Variants in SIK3 observed in about 807,000 individuals in gnomAD.
The protein encoded by SIK3 is serine/threonine-protein kinase SIK3.
Under a neutral mutation model 144.2 loss-of-function variants are expected in SIK3, and 28 were observed. The ratio of observed to expected loss-of-function variants is 0.19; its 90% CI spans 0.14 to 0.27. SIK3 has a LOEUF of 0.27. SIK3 is among the 10% of genes least tolerant of loss of function. SIK3 has a pLI of 1.00. For synonymous variants in SIK3, 686 were observed against 676.3 expected (o/e 1.01, Z -0.22); for missense variants, 1,319 against 1,776.0 (o/e 0.74, Z 4.62).
In SIK3 at chr11:116,849,303, TAG is replaced by T. The variant is rs1591358823; in HGVS notation, c.3656-22_3656-21del. The T allele has an allele frequency of 2.5e-6, 4 of 1,613,752 alleles. No individual in the cohort carries two copies. Among genetic ancestry groups the T allele is most frequent in the South Asian group, 1.1e-5 (1 of 91,066 alleles). On this transcript the variant is annotated intron_variant, in intron 21 of 24. Transcript: ENST00000445177. The surrounding 1 kb of genome is among the most constrained non-coding windows in gnomAD (Gnocchi z 4.2). ...CAGGCTCTGAGGAGACACAGCAGAA[TAG>T]AGTCAGTGGGGCGGAACTTCTCCCA...
rs1288275054 is a variant in SIK3, at chr11:117,098,043, A to C, written c.273+100T>G. 23 of 1,151,326 alleles carry C rather than the reference A, an allele frequency of 2.0e-5. No homozygotes were observed. The Admixed American group carries it at 4.0e-4, about 20-fold the overall frequency. 71.3% of individuals were successfully genotyped at this position (1,151,326 alleles called of 1,614,324 possible). On this transcript the variant is annotated intron_variant, in intron 1 of 24. Transcript: ENST00000445177. ...CCGCCTCCCGGCCCCCAACGCTCCC[A>C]CCACGCGCCGCGCTCGCCGCCCCGA...
At position 117,040,055 on chromosome 11, in the gene SIK3, A is replaced by G. The variant is rs114425574; in HGVS notation, c.273+58088T>C. On this transcript the variant is annotated intron_variant, in intron 1 of 24. Coordinates refer to ENST00000445177, the MANE Select transcript of SIK3 (RefSeq NM_001366686.3). Reference sequence around the variant, plus strand: ...ATTGTTCTTAGTCACTGAAAACATTACATGGCTAGATAAATGATAAATGTC... The same window carrying G: ...ATTGTTCTTAGTCACTGAAAACATTGCATGGCTAGATAAATGATAAATGTC... Among the ~76,000 whole-genome samples, 1,005 of 152,342 alleles carry G rather than the reference A, an allele frequency of 6.6e-3. 18 individuals carry two copies. The highest frequency in any genetic ancestry group is 0.022 in the African/African-American group (924 of 41,574).
intron 1 of SIK3, among the ~76,000 whole-genome samples, chr11:116,964,845 G>A (rs2135433940): frequency 6.6e-6 from 1 of 150,542 alleles, no homozygotes; most frequent in African/African-American, 2.5e-5. Context: ...TGGCGCCGCT[G>A]CACTCCAGCC....
intron 19 of SIK3, among the ~76,000 whole-genome samples, 179 bp from the exon 20 acceptor site, chr11:116,859,783 T>C (rs1282454374): frequency 6.6e-6 from 1 of 152,220 alleles, no homozygotes; most frequent in Non-Finnish European, 1.5e-5. Flanking sequence ...GTCCTATCTA[T>C]ATAATTCTGT....
intron 1 of SIK3, among the ~76,000 whole-genome samples, chr11:117,078,136 C>A (rs1046490368): frequency 6.6e-6 from 1 of 152,216 alleles, no homozygotes; most frequent in African/African-American, 2.4e-5. Context: ...CCTTAAACTT[C>A]TCTGATGCTC....
chr11:116,859,459 G>A lies in SIK3; in HGVS notation c.2571C>T (p.Ile857=). Residue 857 remains isoleucine, a synonymous_variant, in exon 20 of 25, where the codon ATC becomes ATT. Transcript: ENST00000445177. ...QQPAQSQQVT[I]QVQEPVDMLS... ...GCATGTCAACAGGCTCTTGGACTTG[G>A]ATGGTGACCTGCTGTGACTGAGCAG... 6.2e-7 allele frequency: 1 copy of A among 1,614,218 alleles called. No individual in the cohort carries two copies. The highest frequency in any genetic ancestry group is 8.5e-7 in the Non-Finnish European group (1 of 1,180,048).
chr11:116,916,895 A>G (rs1946672970), intron 4 of SIK3, among the ~76,000 whole-genome samples: 1 of 151,998 alleles, frequency 6.6e-6, no homozygotes, highest in South Asian at 2.1e-4. Context: ...ACTTGAGCTC[A>G]GGAGTTCAAG....
chr11:117,098,123 C>T lies in SIK3; in HGVS notation c.273+20G>A, dbSNP rs761604859. On this transcript the variant is annotated intron_variant, in intron 1 of 24. Transcript: ENST00000445177. ...CGGCCCCGCCACGCTCCGACTGCCGCCTGGCCCCTGCGCCGGTACCTTGGC... is the reference window on the plus strand; with the variant it reads ...CGGCCCCGCCACGCTCCGACTGCCGTCTGGCCCCTGCGCCGGTACCTTGGC... The T allele has an allele frequency of 2.8e-5, 40 of 1,454,246 alleles. 1 individual carries two copies. The South Asian group carries it at 5.0e-4, about 18-fold the overall frequency. 90.1% of individuals were successfully genotyped at this position (1,454,246 alleles called of 1,614,324 possible).
At chr11:117,095,989 T>C (rs1008135849) in intron 1 of SIK3, among the ~76,000 whole-genome samples, 28 of 152,198 alleles carry the variant, frequency 1.8e-4, no homozygotes, top group Non-Finnish European at 3.2e-4. Flanking sequence ...CACCCGTTTG[T>C]AAACAAGCCA....
intron 1 of SIK3, among the ~76,000 whole-genome samples, chr11:117,005,460 A>T (rs994334237): frequency 6.6e-6 from 1 of 152,086 alleles, no homozygotes; most frequent in African/African-American, 2.4e-5. Flanking sequence ...TCCCTGCAAG[A>T]GCCAGAACCT....
Position 116,867,902 on chromosome 11 carries a change from C to G in SIK3, c.1952+44G>C, listed in dbSNP as rs557769160. 17 of 1,464,896 alleles carry G rather than the reference C, an allele frequency of 1.2e-5. No individual in the cohort carries two copies. In the South Asian group the frequency reaches 2.4e-4, roughly 21 times the overall value. The allele number at this position is 1,464,896 out of a possible 1,614,324, so 90.7% of individuals were successfully genotyped here. A position where few individuals can be genotyped will look rare whatever the true frequency, so the allele number is the denominator to read the frequency against. ...TGAGACTAATCAGAAGGGTGCCTGT[C>G]CGATGAGCCTCAAGGAGCTCGCACA... On this transcript the variant is annotated intron_variant, in intron 15 of 24. Transcript: ENST00000445177. This position sits in a 1 kb window ranked among gnomAD's most constrained non-coding sequence, Gnocchi z 4.1.
In SIK3 at chr11:116,868,063, T is replaced by C. The variant is rs1213351555; in HGVS notation, c.1835A>G (p.His612Arg). 1.3e-6 allele frequency: 2 copies of C among 1,550,634 alleles called. No individual in the cohort carries two copies. The highest frequency in any genetic ancestry group is 1.7e-6 in the Non-Finnish European group (2 of 1,146,996). ...TGTAGGGTTGGTCATGGCCAGTGTATGTCTTTTGGACCTATTTGCCAAGTA... is the reference window on the plus strand; with the variant it reads ...TGTAGGGTTGGTCATGGCCAGTGTACGTCTTTTGGACCTATTTGCCAAGTA... The part of the protein sequence containing the change: ...QRYLANRSKR[H>R]TLAMTNPTAE... Residue 612 changes from histidine to arginine, a missense_variant, in exon 15 of 25, where the codon CAT becomes CGT. Around this residue, in one of 8 missense-constraint regions of SIK3, gnomAD observed 167 missense variants for 263.3 expected, o/e 0.63. Coordinates refer to ENST00000445177, the MANE Select transcript of SIK3 (RefSeq NM_001366686.3).
chr11:116,950,981 C>T (rs1948908125), intron 3 of SIK3, among the ~76,000 whole-genome samples: 1 of 152,214 alleles, frequency 6.6e-6, no homozygotes, highest in South Asian at 2.1e-4. Context: ...CAAGGCAGGT[C>T]AGCAGAGCTC....
At chr11:117,017,423 ATTTTATTATACAC>A (rs528912195) in intron 1 of SIK3, among the ~76,000 whole-genome samples, 205 of 152,316 alleles carry the variant, frequency 1.3e-3, no homozygotes, top group African/African-American at 4.7e-3. Flanking sequence ...TAAGCTGTGT[ATTTTATTATACAC>A]TTTTCAGTAT....
chr11:117,056,824 T>C (rs536927519), intron 1 of SIK3, among the ~76,000 whole-genome samples: 2 of 152,184 alleles, frequency 1.3e-5, no homozygotes, highest in Non-Finnish European at 2.9e-5. Context: ...GGTCCACCTT[T>C]GGCAATATTG....
At chr11:116,873,425 A>C (rs999726570) in intron 13 of SIK3, 56 bp downstream of exon 13, 79 of 1,613,314 alleles carry the variant, frequency 4.9e-5, no homozygotes, top group Non-Finnish European at 6.4e-5. Context: ...CCAGGCTCAC[A>C]ACCTTTTTAT....
At chr11:116,988,894 A>C (rs1381486638) in intron 1 of SIK3, among the ~76,000 whole-genome samples, 1 of 151,600 alleles carries the variant, frequency 6.6e-6, no homozygotes, top group African/African-American at 2.4e-5. Flanking sequence ...ATCTAAAAGA[A>C]GACAACATAT....
intron 1 of SIK3, among the ~76,000 whole-genome samples, chr11:117,009,108 G>A (rs912809306): frequency 4.0e-5 from 6 of 151,758 alleles, no homozygotes; most frequent in East Asian, 1.9e-4. Context: ...AGTGGTGTGC[G>A]CCTGTAATCC....
chr11:116,998,219 C>T (rs960046852), intron 1 of SIK3, among the ~76,000 whole-genome samples: 4 of 150,614 alleles, frequency 2.7e-5, no homozygotes, highest in African/African-American at 7.3e-5. Flanking sequence ...AAGTAAAATA[C>T]TGACAACTTT....
Sources: allele counts gnomAD v4.1 joint callset (sites outside exome capture counted in the v4.1 genomes callset), GRCh38; gene constraint gnomAD v4.1.1; regional missense constraint gnomAD v4.1.1; non-coding constraint Gnocchi (gnomAD v3.1); transcripts MANE v1.5; gene names NCBI Gene and HGNC (gene_info 2026-07-23, HGNC 2026-07-21).